Variants in GRK5 observed in about 807,000 individuals in gnomAD.
GRK5 encodes the protein G protein-coupled receptor kinase 5.
A neutral mutation model predicts 78.4 loss-of-function variants in GRK5; 40 were observed. The observed-to-expected ratio is 0.51, with a 90% CI of 0.40 to 0.66. The LOEUF (loss-of-function observed/expected upper bound fraction) is 0.66, where lower values mean the gene tolerates loss of function less well. Among genes scored for constraint, GRK5 ranks in the 30% least tolerant of loss-of-function variants. The pLI is 0.00. For synonymous variants in GRK5, 289 were observed against 296.8 expected (o/e 0.97, Z 0.27); for missense variants, 598 against 759.9 (o/e 0.79, Z 2.50).
rs1213390137 is a variant in GRK5 at position 119,217,147 on chromosome 10, T to C, written c.52+9178T>C. Among the ~76,000 whole-genome samples, 2 of 152,160 alleles carry C rather than the reference T, an allele frequency of 1.3e-5. No homozygotes were observed. The highest frequency in any genetic ancestry group is 2.9e-5 in the Non-Finnish European group (2 of 68,030). ...AGATGGTAGGGTTTTTAAGTGTAAA[T>C]ACCCATGAGGTTGTAATTGTGGAAG... On this transcript the variant is annotated intron_variant, in intron 1 of 15. Transcript: ENST00000392870. The surrounding 1 kb of genome is among the most constrained non-coding windows in gnomAD (Gnocchi z 4.1).
intron 2 of GRK5, among the ~76,000 whole-genome samples, chr10:119,344,423 T>C (rs1851041655): frequency 6.6e-6 from 1 of 152,154 alleles, no homozygotes; most frequent in African/African-American, 2.4e-5. Context: ...AGTGAGAACA[T>C]GCGGTGTTTG....
At chr10:119,413,636 C>T (rs897947657) in intron 4 of GRK5, among the ~76,000 whole-genome samples, 1 of 152,104 alleles carries the variant, frequency 6.6e-6, no homozygotes, top group Non-Finnish European at 1.5e-5. Flanking sequence ...TCCTGATAAG[C>T]AGGAATGAGA....
intron 2 of GRK5, among the ~76,000 whole-genome samples, chr10:119,330,610 G>A (rs890537438): frequency 5.3e-5 from 8 of 152,118 alleles, no homozygotes; most frequent in South Asian, 2.1e-4. Context: ...TAGATTCAAA[G>A]AGCCAGTGCA....
intron 1 of GRK5, among the ~76,000 whole-genome samples, chr10:119,231,068 G>A (rs991840618): frequency 8.6e-5 from 13 of 152,010 alleles, no homozygotes; most frequent in Admixed American, 2.0e-4. Context: ...AGGACATGGC[G>A]GTGAGTGGAA....
At chr10:119,245,373 C>T (rs1452040005) in intron 1 of GRK5, among the ~76,000 whole-genome samples, 1 of 152,090 alleles carries the variant, frequency 6.6e-6, no homozygotes, top group African/African-American at 2.4e-5. Context: ...TGGAAACAAC[C>T]TCAAAGTCTA....
chr10:119,331,495 C>T (rs966297247), intron 2 of GRK5, among the ~76,000 whole-genome samples: 4 of 152,208 alleles, frequency 2.6e-5, no homozygotes, highest in Admixed American at 1.3e-4. Flanking sequence ...ATACACAAAC[C>T]AAACAGTGGC....
chr10:119,220,863 G>C (rs1266203607), intron 1 of GRK5, among the ~76,000 whole-genome samples: 2 of 134,490 alleles, frequency 1.5e-5, no homozygotes, highest in Non-Finnish European at 3.2e-5. Context: ...ACTCACTAAA[G>C]AAAGTCCAGG....
At position 119,207,968 on chromosome 10, in the gene GRK5, A is replaced by G. The variant is rs1413811600; in HGVS notation, c.51A>G (p.Glu17=). ...ACACGGTCTTGCTGAAAGCCAGGGA[A>G]GGTAAGAGGCAGGGCCGGTACGTGC... ...VANTVLLKAR[E]GGGGKRKGKS... The change falls in exon 1 of 16, where the codon GAA becomes GAG. Residue 17 remains glutamate (E), a splice_region_variant and synonymous_variant. Transcript: ENST00000392870. 2 of 1,603,988 alleles carry G rather than the reference A, an allele frequency of 1.2e-6. No homozygotes were observed.
intron 2 of GRK5, among the ~76,000 whole-genome samples, chr10:119,353,488 C>G (rs933751803): frequency 3.9e-5 from 6 of 152,206 alleles, no homozygotes; most frequent in African/African-American, 9.7e-5. Context: ...TGGAGAGCCT[C>G]TCCTTGGCAA....
intron 2 of GRK5, among the ~76,000 whole-genome samples, chr10:119,341,915 G>A (rs544323274): frequency 8.5e-5 from 13 of 152,250 alleles, no homozygotes; most frequent in Admixed American, 3.3e-4. Context: ...TATCAGAAAC[G>A]GTTTAGAGAG....
intron 1 of GRK5, among the ~76,000 whole-genome samples, chr10:119,307,994 T>A (rs1326291007): frequency 1.3e-5 from 2 of 152,126 alleles, no homozygotes; most frequent in East Asian, 3.9e-4. Flanking sequence ...GGCCCCAGCC[T>A]ATACCCTGCC....
intron 12 of GRK5, among the ~76,000 whole-genome samples, chr10:119,444,767 G>A (rs12258515): frequency 7.9e-5 from 12 of 152,198 alleles, no homozygotes; most frequent in South Asian, 2.1e-4. Context: ...GAGCCTGGGA[G>A]GGGGGAGCCA....
At chr10:119,454,596 G>A (rs980167480) in intron 15 of GRK5, among the ~76,000 whole-genome samples, 2 of 152,132 alleles carry the variant, frequency 1.3e-5, no homozygotes, top group Non-Finnish European at 2.9e-5. Flanking sequence ...CACCCTGTGC[G>A]GAAGCTGCTC....
chr10:119,319,824 T>C (rs933213132), intron 1 of GRK5, among the ~76,000 whole-genome samples: 2 of 152,210 alleles, frequency 1.3e-5, no homozygotes, highest in Non-Finnish European at 2.9e-5. Flanking sequence ...ACCTCCTGAA[T>C]GAGGGCCAAA....
chr10:119,291,540 T>TTCCTCCTCCTCCTCC (rs1231803280), intron 1 of GRK5, among the ~76,000 whole-genome samples: 2 of 123,156 alleles, frequency 1.6e-5, no homozygotes, highest in African/African-American at 3.4e-5. Flanking sequence ...CCTCCTCCTC[T>TTCCTCCTCCTCCTCC]TCCTCCTCCT....
At chr10:119,434,208 C>G (rs1235602157) in intron 8 of GRK5, among the ~76,000 whole-genome samples, 1 of 152,128 alleles carries the variant, frequency 6.6e-6, no homozygotes, top group South Asian at 2.1e-4. Flanking sequence ...GGACACAGCC[C>G]AACCATATCA....
chr10:119,303,980 T>C (rs1306756924), intron 1 of GRK5, among the ~76,000 whole-genome samples: 1 of 152,126 alleles, frequency 6.6e-6, no homozygotes, highest in African/African-American at 2.4e-5. Context: ...GCCAGGGTGG[T>C]GCTGGCCCTG....
intron 1 of GRK5, among the ~76,000 whole-genome samples, chr10:119,261,029 A>AG (rs1564867729): frequency 4.3e-4 from 4 of 9,406 alleles, no homozygotes; most frequent in East Asian, 3.5e-3. Context: ...CTGGCCGGGC[A>AG]GGGGGCTGAC....
intron 4 of GRK5, among the ~76,000 whole-genome samples, chr10:119,410,123 A>T (rs778176817): frequency 5.3e-5 from 8 of 152,260 alleles, no homozygotes; most frequent in Admixed American, 6.5e-5. Context: ...ACCAGGGATT[A>T]TCAAATTGAC....
Sources: gnomAD v4.1 joint callset for allele counts (sites outside exome capture counted in the v4.1 genomes callset) on GRCh38, gnomAD v4.1.1 for gene constraint, Gnocchi (gnomAD v3.1) non-coding constraint, MANE v1.5 for transcripts, NCBI Gene and HGNC (gene_info 2026-07-23, HGNC 2026-07-21) for gene names.